Variants in GRM5 observed in about 807,000 individuals in gnomAD.
GRM5 encodes glutamate metabotropic receptor 5, also known as metabotropic glutamate receptor 5.
Under a neutral mutation model 83.1 loss-of-function variants are expected in GRM5, and 19 were observed. That is an observed-to-expected ratio of 0.23 (90% CI 0.16 to 0.34). GRM5 has a LOEUF of 0.34. Ranked by LOEUF, GRM5 falls within the 10% of genes least tolerant of loss-of-function variation. GRM5 has a pLI of 1.00. For missense variants in GRM5, 1,160 were observed against 1,588.3 expected (o/e 0.73, Z 4.58); for synonymous variants, 675 against 633.6 (o/e 1.07, Z -0.98).
chr11:88,724,113 C>T (rs1234002491), intron 3 of GRM5, among the ~76,000 whole-genome samples: 3 of 152,136 alleles, frequency 2.0e-5, no homozygotes, highest in African/African-American at 7.2e-5. Flanking sequence ...GCTACCTATT[C>T]CTCCAGATCC....
chr11:89,055,885 A>G (rs1941864240), intron 1 of GRM5, among the ~76,000 whole-genome samples: 1 of 151,946 alleles, frequency 6.6e-6, no homozygotes, highest in Admixed American at 6.6e-5. Flanking sequence ...TACAAACTGT[A>G]AAATAAGTTA....
intron 2 of GRM5, among the ~76,000 whole-genome samples, chr11:88,867,656 T>C (rs1944695145): frequency 6.6e-6 from 1 of 151,402 alleles, no homozygotes; most frequent in African/African-American, 2.4e-5. Context: ...ATATGGGTGG[T>C]CCCTAATCTA....
intron 2 of GRM5, chr11:88,984,590 T>C: frequency 6.6e-6 from 3 of 456,032 alleles, no homozygotes; most frequent in Non-Finnish European, 1.2e-5. Context: ...TTTATTATCT[T>C]AACTCTGAGA....
intron 6 of GRM5, among the ~76,000 whole-genome samples, 173 bp downstream of exon 6, chr11:88,597,011 A>G (rs1937827773): frequency 6.6e-6 from 1 of 152,132 alleles, no homozygotes; most frequent in African/African-American, 2.4e-5. Flanking sequence ...CCAACTAATA[A>G]GACTATTGTG....
intron 3 of GRM5, among the ~76,000 whole-genome samples, chr11:88,744,641 C>G (rs948651491): frequency 1.3e-5 from 2 of 152,054 alleles, no homozygotes; most frequent in Non-Finnish European, 2.9e-5. Context: ...CGCTTCACAG[C>G]AGAAATGGTA....
At chr11:88,518,164 T>C (rs1192751918) in intron 9 of GRM5, among the ~76,000 whole-genome samples, 1 of 151,938 alleles carries the variant, frequency 6.6e-6, no homozygotes, top group Non-Finnish European at 1.5e-5. Flanking sequence ...AAATAGAATA[T>C]GTTCAATTTA....
At chr11:88,957,117 G>A (rs1938641713) in intron 2 of GRM5, among the ~76,000 whole-genome samples, 1 of 152,204 alleles carries the variant, frequency 6.6e-6, no homozygotes, top group Non-Finnish European at 1.5e-5. Flanking sequence ...TTCTGTCAAC[G>A]TAAGTTGGAG....
intron 2 of GRM5, among the ~76,000 whole-genome samples, chr11:88,875,603 T>G (rs1944840131): frequency 6.6e-6 from 1 of 152,078 alleles, no homozygotes; most frequent in Non-Finnish European, 1.5e-5. Context: ...TAGATTAATC[T>G]GAAGAATCAC....
chr11:88,846,190 T>C (rs1052264823), intron 3 of GRM5, among the ~76,000 whole-genome samples: 6 of 152,240 alleles, frequency 3.9e-5, no homozygotes, highest in Non-Finnish European at 8.8e-5. Context: ...CAGTTGTTAA[T>C]TTGCTAAAAA....
chr11:88,760,484 A>T (rs1299876235), intron 3 of GRM5, among the ~76,000 whole-genome samples: 1 of 152,124 alleles, frequency 6.6e-6, no homozygotes, highest in Non-Finnish European at 1.5e-5. Flanking sequence ...TCTTGGATAC[A>T]TGTACTCTGC....
chr11:88,688,361 A>C (rs371413998), intron 3 of GRM5, among the ~76,000 whole-genome samples: 2 of 152,200 alleles, frequency 1.3e-5, no homozygotes, highest in Non-Finnish European at 2.9e-5. Flanking sequence ...GTATCAGAGG[A>C]TATTTACAAC....
chr11:88,687,315 A>G (rs1940651899), intron 3 of GRM5, among the ~76,000 whole-genome samples: 1 of 150,024 alleles, frequency 6.7e-6, no homozygotes, highest in Non-Finnish European at 1.5e-5. Flanking sequence ...TCTACTAAAA[A>G]AAATACAAAA....
intron 2 of GRM5, among the ~76,000 whole-genome samples, chr11:89,043,060 G>A (rs192634562): frequency 6.6e-5 from 10 of 152,162 alleles, no homozygotes; most frequent in Admixed American, 2.0e-4. Context: ...ATTAATCAAG[G>A]GAGTCATTTT....
At chr11:88,633,002 A>G (rs1005337540) in intron 4 of GRM5, among the ~76,000 whole-genome samples, 8 of 152,160 alleles carry the variant, frequency 5.3e-5, no homozygotes, top group Non-Finnish European at 8.8e-5. Context: ...ATGAGTGTTC[A>G]TCAATATTTT....
At chr11:88,857,555 A>G (rs575234951) in intron 2 of GRM5, among the ~76,000 whole-genome samples, 1 of 152,164 alleles carries the variant, frequency 6.6e-6, no homozygotes, top group East Asian at 1.9e-4. Flanking sequence ...AAAGCTTGAC[A>G]GTGAAGCACC....
At chr11:88,697,380 T>C (rs1038713111) in intron 3 of GRM5, among the ~76,000 whole-genome samples, 1 of 152,224 alleles carries the variant, frequency 6.6e-6, no homozygotes, top group African/African-American at 2.4e-5. Flanking sequence ...GAGGACCATT[T>C]ATGTTTTGCA....
intron 3 of GRM5, among the ~76,000 whole-genome samples, chr11:88,777,410 A>G (rs969238289): frequency 6.6e-6 from 1 of 152,048 alleles, no homozygotes; most frequent in East Asian, 1.9e-4. Context: ...GAAATTTGTT[A>G]TTACCAACCT....
intron 2 of GRM5, among the ~76,000 whole-genome samples, chr11:88,868,644 C>A (rs980219911): frequency 2.0e-5 from 3 of 151,744 alleles, no homozygotes; most frequent in African/African-American, 4.8e-5. Flanking sequence ...CAGTTAGATA[C>A]CTGGCAAATG....
intron 2 of GRM5, among the ~76,000 whole-genome samples, chr11:88,902,950 C>CAAAAAAAAAAAAAA (rs201996144): frequency 8.9e-4 from 55 of 61,890 alleles, no homozygotes; most frequent in African/African-American, 3.3e-3. Context: ...GACTCCATCT[C>CAAAAAAAAAAAAAA]AAAAAAAAAA....
Sources: allele counts gnomAD v4.1 joint callset (sites outside exome capture counted in the v4.1 genomes callset), GRCh38; gene constraint gnomAD v4.1.1; transcripts MANE v1.5; gene names NCBI Gene and HGNC (gene_info 2026-07-23, HGNC 2026-07-21).